Variants in SCN2A observed in about 807,000 individuals in gnomAD.
SCN2A encodes sodium channel protein type 2 subunit alpha.
SCN2A carries 20 observed loss-of-function variants against 188.7 expected under a neutral mutation model. That is an observed-to-expected ratio of 0.11 (90% confidence interval 0.07 to 0.15). The LOEUF (loss-of-function observed/expected upper bound fraction) is 0.15. Among genes scored for constraint, SCN2A ranks in the 10% least tolerant of loss-of-function variants. The pLI, the probability that SCN2A is intolerant of heterozygous loss-of-function variation, is 1.00. For missense variants in SCN2A, 1,278 were observed against 2,445.0 expected (o/e 0.52, Z 10.07); for synonymous variants, 804 against 833.1 (o/e 0.97, Z 0.60).
chr2:165,296,523 T>A, intron 2 of SCN2A: 1 of 208,112 alleles, frequency 4.8e-6, no homozygotes. Flanking sequence ...ATAAGTCACT[T>A]TGATCTTCAG....
chr2:165,280,852 G>C (rs181372129), intron 1 of SCN2A, among the ~76,000 whole-genome samples: 8 of 152,238 alleles, frequency 5.3e-5, no homozygotes, highest in Middle Eastern at 3.4e-3. Context: ...TGTCTCTGGG[G>C]AACCTGACCT....
chr2:165,378,562 A>G lies in SCN2A; in HGVS notation c.4308+912A>G, dbSNP rs1027833870. The stretch of plus-strand genomic sequence containing the variant: ...TAGGTGATACTAGCTCTATTTTACT[A>G]CTGAAGCAAAGAGGCTTAATGCGTT... On this transcript the variant is annotated intron_variant, in intron 23 of 26. Coordinates refer to ENST00000375437, the MANE Select transcript of SCN2A (RefSeq NM_001040142.2). Among the ~76,000 whole-genome samples the G allele has an allele frequency of 3.3e-5, 5 of 151,730 alleles. No individual in the cohort carries two copies. The South Asian group carries it at 1.0e-3, about 31-fold the overall frequency.
At chr2:165,310,108 CA>C (rs1697350420) in intron 6 of SCN2A, among the ~76,000 whole-genome samples, 1 of 152,130 alleles carries the variant, frequency 6.6e-6, no homozygotes, top group African/African-American at 2.4e-5. Context: ...CATTTCCATT[CA>C]CAGTTTTCTA....
chr2:165,252,831 C>T (rs1221363754), intron 1 of SCN2A, among the ~76,000 whole-genome samples: 2 of 151,852 alleles, frequency 1.3e-5, no homozygotes, highest in Non-Finnish European at 2.9e-5. Flanking sequence ...TGAGACCAGC[C>T]TGCTACCTTG....
chr2:165,316,553 G>A (rs73023772), intron 11 of SCN2A, among the ~76,000 whole-genome samples: 4,047 of 152,192 alleles, frequency 0.027, 191 homozygotes, highest in African/African-American at 0.092. Context: ...TACCTATACA[G>A]TAACAATAAC....
rs1702131911 is a variant in SCN2A, at chr2:165,391,764, C to T, written c.*1940C>T. On this transcript the variant is annotated 3_prime_UTR_variant, in exon 27 of 27. Coordinates refer to ENST00000375437, the MANE Select transcript of SCN2A (RefSeq NM_001040142.2). ...CAGTCTTTTCCAATGTTTGTTTACA[C>T]AGATAGATCTTATTGACCCATATGG... The T allele has an allele frequency of 6.6e-6, 1 of 152,438 alleles. No homozygotes were observed. Among genetic ancestry groups the T allele is most frequent in the Non-Finnish European group, 1.5e-5 (1 of 67,982 alleles). 9.4% of individuals were successfully genotyped at this position (152,438 alleles called of 1,614,324 possible). A position where few individuals can be genotyped will look rare whatever the true frequency, so the allele number is the denominator to read the frequency against.
rs187731029 is a variant in SCN2A at position 165,354,482 on chromosome 2, C to A, written c.3210C>A (p.Asp1070Glu). The A allele has an allele frequency of 6.2e-7, 1 of 1,613,908 alleles. No homozygotes were observed. The highest frequency in any genetic ancestry group is 1.1e-5 in the South Asian group (1 of 91,074). Residue 1070 changes from aspartate (D) to glutamate (E), a missense_variant, in exon 17 of 27, where the codon GAC becomes GAA. Physicochemically the swap from Asp to Glu is conservative, Grantham distance 45. Around this residue, in one of 17 missense-constraint regions of SCN2A, gnomAD observed 228 missense variants for 297.3 expected, o/e 0.77. Coordinates refer to ENST00000375437, the MANE Select transcript of SCN2A (RefSeq NM_001040142.2). ...GCAAAGACCTCAATTATCTCAAAGA[C>A]GGAAATGGAACTACTAGTGGCATAG... Reference protein sequence around the residue: ...EIGKDLNYLKDGNGTTSGIGS... With the variant: ...EIGKDLNYLKEGNGTTSGIGS...
At chr2:165,303,522 G>A (rs1277180220) in intron 3 of SCN2A, among the ~76,000 whole-genome samples, 1 of 151,892 alleles carries the variant, frequency 6.6e-6, no homozygotes, top group South Asian at 2.1e-4. Flanking sequence ...TGATCCGCCC[G>A]CCTCGGCCTC....
intron 14 of SCN2A, among the ~76,000 whole-genome samples, chr2:165,332,873 A>C (rs1698770657): frequency 2.0e-5 from 3 of 152,060 alleles, no homozygotes; most frequent in African/African-American, 4.8e-5. Flanking sequence ...GTTCTCAGCC[A>C]GCATCATTGG....
chr2:165,247,153 C>G (rs949197858), intron 1 of SCN2A, among the ~76,000 whole-genome samples: 3 of 152,178 alleles, frequency 2.0e-5, no homozygotes, highest in Admixed American at 2.0e-4. Flanking sequence ...CTTACTTACA[C>G]AAGGGCATCT....
At chr2:165,381,347 A>C in intron 25 of SCN2A, 150 bp downstream of exon 25, 1 of 564,178 alleles carries the variant, frequency 1.8e-6, no homozygotes, top group Non-Finnish European at 3.2e-6. Context: ...TAGCTTGAAA[A>C]ATGTACTTTA....
intron 1 of SCN2A, among the ~76,000 whole-genome samples, chr2:165,249,320 C>A (rs1294813879): frequency 6.6e-6 from 1 of 152,088 alleles, no homozygotes; most frequent in Non-Finnish European, 1.5e-5. Flanking sequence ...TTCTTACAAC[C>A]GTGTGGAGCA....
At chr2:165,253,475 C>A (rs1018339539) in intron 1 of SCN2A, among the ~76,000 whole-genome samples, 15 of 152,076 alleles carry the variant, frequency 9.9e-5, no homozygotes, top group Non-Finnish European at 1.9e-4. Flanking sequence ...AATAATACTT[C>A]ATGACATGTA....
At chr2:165,337,167 A>C (rs1244424392) in intron 14 of SCN2A, among the ~76,000 whole-genome samples, 2 of 152,096 alleles carry the variant, frequency 1.3e-5, no homozygotes, top group African/African-American at 4.8e-5. Flanking sequence ...TGAAAAGTAC[A>C]CATTCTAATA....
chr2:165,369,128 C>T (rs1700889767), intron 19 of SCN2A, among the ~76,000 whole-genome samples: 1 of 152,016 alleles, frequency 6.6e-6, no homozygotes. Context: ...TGGGTTTTGC[C>T]ATCTTGGCCA....
intron 17 of SCN2A, among the ~76,000 whole-genome samples, chr2:165,364,898 A>C (rs1700643314): frequency 6.6e-6 from 1 of 152,174 alleles, no homozygotes; most frequent in African/African-American, 2.4e-5. Context: ...ATCTCTATAC[A>C]TAGGCTCAAA....
intron 13 of SCN2A, chr2:165,328,376 A>G: frequency 2.1e-6 from 1 of 484,170 alleles, no homozygotes; most frequent in Non-Finnish European, 2.7e-6. Context: ...CCCAGCTGCC[A>G]GTAGCTTGCT....
chr2:165,248,951 A>T (rs944894024), intron 1 of SCN2A, among the ~76,000 whole-genome samples: 1 of 152,124 alleles, frequency 6.6e-6, no homozygotes, highest in African/African-American at 2.4e-5. Flanking sequence ...CTGATTTTTC[A>T]TTCAGTATTT....
At chr2:165,285,911 A>G in intron 1 of SCN2A, 1 of 225,698 alleles carries the variant, frequency 4.4e-6, no homozygotes, top group Non-Finnish European at 9.2e-6. Flanking sequence ...GCTAAGGAAC[A>G]ATGAATTGAT....
Sources: gnomAD v4.1 joint callset for allele counts (sites outside exome capture counted in the v4.1 genomes callset) on GRCh38, gnomAD v4.1.1 for gene constraint, gnomAD v4.1.1 regional missense constraint, MANE v1.5 for transcripts, NCBI Gene and HGNC (gene_info 2026-07-23, HGNC 2026-07-21) for gene names.